Variants in NFIC observed in about 807,000 individuals in gnomAD.
NFIC encodes nuclear factor I C.
In NFIC, 12 loss-of-function variants were observed where a neutral mutation model predicts 54.4. That is an observed-to-expected ratio of 0.22 (90% CI 0.14 to 0.36). NFIC has a LOEUF of 0.36. Among genes scored for constraint, NFIC ranks in the 10% least tolerant of loss-of-function variants. The pLI, the probability that NFIC is intolerant of heterozygous loss-of-function variation, is 1.00. For missense variants in NFIC, 575 were observed against 718.2 expected, an observed-to-expected ratio of 0.80 and a Z score of 2.28; for synonymous variants, 322 against 319.2, an observed-to-expected ratio of 1.01 and a Z score of -0.09.
At chr19:3,424,183 A>G (rs1384316187) in intron 2 of NFIC, among the ~76,000 whole-genome samples, 1 of 151,856 alleles carries the variant, frequency 6.6e-6, no homozygotes, top group Non-Finnish European at 1.5e-5. Flanking sequence ...GCGTGCCACC[A>G]TGCCCGGCTA....
At chr19:3,411,328 C>CT (rs11420547) in intron 2 of NFIC, 36,202 of 104,576 alleles carry the variant, frequency 0.35, 8,653 homozygotes, top group East Asian at 0.7. Context: ...CCCTCCAGTG[C>CT]TTTTTTTTTT....
Position 3,467,769 on chromosome 19 carries a change from ATATATATATATATATATAT to A in NFIC, c.*5001_*5019del. The A allele has an allele frequency of 7.6e-6, 1 of 130,958 alleles. No individual in the cohort carries two copies. The allele number at this position is 130,958 out of a possible 1,614,324, so 8.1% of individuals were successfully genotyped here. A position where few individuals can be genotyped will look rare whatever the true frequency, so the allele number is the denominator to read the frequency against. On this transcript the variant is annotated 3_prime_UTR_variant, in exon 11 of 11. Coordinates refer to ENST00000443272, the MANE Select transcript of NFIC (RefSeq NM_001245002.2). ...AGGGCTATACTATACATATATATAT[ATATATATATATATATATAT>A]AATTTTGGAATTTGTTTCTCATAAT...
intron 6 of NFIC, among the ~76,000 whole-genome samples, chr19:3,436,332 T>TAC (rs2082203746): frequency 6.8e-6 from 1 of 146,222 alleles, no homozygotes. Context: ...TTTTTTTTTT[T>TAC]TTTTTGGTAG....
intron 6 of NFIC, among the ~76,000 whole-genome samples, chr19:3,435,922 G>C (rs1049194191): frequency 1.3e-5 from 2 of 151,964 alleles, no homozygotes; most frequent in African/African-American, 4.8e-5. Flanking sequence ...CACCTCCCTG[G>C]TTCAAGCAAT....
rs1057222310 is a variant in NFIC, at chr19:3,369,995, G to A, written c.30+3329G>A. Among the ~76,000 whole-genome samples, 1 of 152,142 alleles carries A rather than the reference G, an allele frequency of 6.6e-6. No individual in the cohort carries two copies. The highest frequency in any genetic ancestry group is 2.4e-5 in the African/African-American group (1 of 41,438). On this transcript the variant is annotated intron_variant, in intron 1 of 10. Coordinates refer to ENST00000443272, the MANE Select transcript of NFIC (RefSeq NM_001245002.2). This position sits in a 1 kb window ranked among gnomAD's most constrained non-coding sequence, Gnocchi z 4.3. Reference sequence around the variant, plus strand: ...GGCTGTCCTCCCACCCCAGACCCCCGACCTTTGTTGGATTTTCTAGATCTT... The same window carrying A: ...GGCTGTCCTCCCACCCCAGACCCCCAACCTTTGTTGGATTTTCTAGATCTT...
Position 3,464,439 on chromosome 19 carries a change from C to G in NFIC, c.*1670C>G, listed in dbSNP as rs1225984661. The G allele has an allele frequency of 2.0e-6, 2 of 984,822 alleles. No homozygotes were observed. Among genetic ancestry groups the G allele is most frequent in the African/African-American group, 3.5e-5 (2 of 57,136 alleles). The allele number at this position is 984,822 out of a possible 1,614,324, so 61.0% of individuals were successfully genotyped here. On this transcript the variant is annotated 3_prime_UTR_variant, in exon 11 of 11. Transcript: ENST00000443272. ...GCCCTATCCACACCTCCACCCCCACCCCAGGATCGCCATCTTTAGGGGAGG... is the reference window on the plus strand; with the variant it reads ...GCCCTATCCACACCTCCACCCCCACGCCAGGATCGCCATCTTTAGGGGAGG...
At chr19:3,406,066 A>G (rs565284108) in intron 2 of NFIC, among the ~76,000 whole-genome samples, 2 of 152,030 alleles carry the variant, frequency 1.3e-5, no homozygotes, top group African/African-American at 4.8e-5. Context: ...GACCACAGGC[A>G]TGTACCACCA....
At chr19:3,410,308 G>T (rs1309284959) in intron 2 of NFIC, among the ~76,000 whole-genome samples, 2 of 152,208 alleles carry the variant, frequency 1.3e-5, no homozygotes, top group Non-Finnish European at 2.9e-5. Context: ...CATGTGTGTG[G>T]TCATCCATGC....
intron 2 of NFIC, among the ~76,000 whole-genome samples, chr19:3,421,440 C>T (rs1226699147): frequency 2.6e-5 from 4 of 152,252 alleles, no homozygotes; most frequent in African/African-American, 4.8e-5. Context: ...TGGCCAGCTC[C>T]GAGGGGCCGC....
intron 6 of NFIC, among the ~76,000 whole-genome samples, chr19:3,444,748 C>T (rs560105244): frequency 9.1e-4 from 138 of 152,326 alleles, no homozygotes; most frequent in Non-Finnish European, 1.5e-3. Context: ...CGTCTGACAA[C>T]CCTAACCTCG....
chr19:3,455,202 T>C (rs951413628), intron 9 of NFIC, among the ~76,000 whole-genome samples: 1 of 152,240 alleles, frequency 6.6e-6, no homozygotes, highest in Admixed American at 6.5e-5. Context: ...ATGGGAGCGT[T>C]GACTGCATAG....
At chr19:3,426,840 C>T in intron 3 of NFIC, among the ~76,000 whole-genome samples, 1 of 152,150 alleles carries the variant, frequency 6.6e-6, no homozygotes, top group East Asian at 1.9e-4. Context: ...CTCCAGATCT[C>T]CCCTGGTCTC....
At chr19:3,437,497 C>G in intron 6 of NFIC, among the ~76,000 whole-genome samples, 1 of 152,270 alleles carries the variant, frequency 6.6e-6, no homozygotes, top group South Asian at 2.1e-4. Context: ...GGGTCTCCAT[C>G]CCTCAGGGGA....
intron 1 of NFIC, among the ~76,000 whole-genome samples, chr19:3,373,622 C>G (rs974718089): frequency 2.6e-5 from 3 of 116,864 alleles, no homozygotes; most frequent in African/African-American, 3.5e-5. Flanking sequence ...CCTGGACCCC[C>G]CCCCCAAGCT....
chr19:3,434,900 A>G, intron 5 of NFIC, 183 bp from the exon 6 acceptor site: 1 of 751,008 alleles, frequency 1.3e-6, no homozygotes, highest in Non-Finnish European at 2.1e-6. Context: ...CATCCAAGCA[A>G]TGGACAGGTT....
chr19:3,402,136 C>T (rs1157396241), intron 2 of NFIC, among the ~76,000 whole-genome samples: 3 of 152,196 alleles, frequency 2.0e-5, no homozygotes, highest in African/African-American at 7.2e-5. Flanking sequence ...ACCTCCGCCT[C>T]CAGGGTTCAA....
At chr19:3,450,654 CA>C (rs200945320) in intron 7 of NFIC, among the ~76,000 whole-genome samples, 2 of 149,968 alleles carry the variant, frequency 1.3e-5, no homozygotes, top group Non-Finnish European at 3.0e-5. Flanking sequence ...GACTCCATCT[CA>C]AAAAAAAACA....
chr19:3,397,355 C>T (rs1238173229), intron 2 of NFIC, among the ~76,000 whole-genome samples: 1 of 152,200 alleles, frequency 6.6e-6, no homozygotes, highest in Admixed American at 6.5e-5. Flanking sequence ...TGGAACGTTC[C>T]GGATCCTGCC....
rs561143749 is a variant in NFIC, at chr19:3,373,408, C to A, written c.30+6742C>A. Among the ~76,000 whole-genome samples, 219 of 151,798 alleles carry A rather than the reference C, an allele frequency of 1.4e-3. 1 individual carries two copies. The highest frequency in any genetic ancestry group is 1.2e-3 in the Non-Finnish European group (85 of 68,020). On this transcript the variant is annotated intron_variant, in intron 1 of 10. Transcript: ENST00000443272. ...AAGGCCCTGCCCAGCCTGTCCTTGT[C>A]CCCTCCTCAACCCTCCCCTCCTCTC... is the stretch of plus-strand genomic sequence containing the variant.
Sources: gnomAD v4.1 joint callset for allele counts (sites outside exome capture counted in the v4.1 genomes callset) on GRCh38, gnomAD v4.1.1 for gene constraint, Gnocchi (gnomAD v3.1) non-coding constraint, MANE v1.5 for transcripts, NCBI Gene and HGNC (gene_info 2026-07-23, HGNC 2026-07-21) for gene names.